ANKRD13C: variants seen among roughly 807,000 people sequenced by gnomAD.
ANKRD13C encodes ankyrin repeat domain-containing protein 13C.
Under a neutral mutation model 65.5 loss-of-function variants are expected in ANKRD13C, and 16 were observed. The ratio of observed to expected loss-of-function variants is 0.24; its 90% CI spans 0.17 to 0.37. The LOEUF (loss-of-function observed/expected upper bound fraction) is 0.37, where lower values mean the gene tolerates loss of function less well. Ranked by LOEUF, ANKRD13C falls within the 10% of genes least tolerant of loss-of-function variation. ANKRD13C has a pLI of 1.00. For missense variants in ANKRD13C, 503 were observed against 655.9 expected, an observed-to-expected ratio of 0.77 and a Z score of 2.55; for synonymous variants, 235 against 238.7, an observed-to-expected ratio of 0.98 and a Z score of 0.14.
intron 2 of ANKRD13C, among the ~76,000 whole-genome samples, chr1:70,334,783 A>G (rs1051161457): frequency 1.3e-5 from 2 of 151,864 alleles, no homozygotes; most frequent in African/African-American, 2.4e-5. Context: ...AATTAGCCCT[A>G]TAATCCCAGC....
chr1:70,323,575 G>A (rs1018948249), intron 3 of ANKRD13C, among the ~76,000 whole-genome samples: 9 of 151,774 alleles, frequency 5.9e-5, no homozygotes, highest in African/African-American at 1.7e-4. Flanking sequence ...TGCAGGAGGC[G>A]GAGGTTGCAG....
rs1262923585 is a variant in ANKRD13C, at chr1:70,259,459, G to A, written c.*3258C>T. On this transcript the variant is annotated 3_prime_UTR_variant, in exon 13 of 13. Transcript: ENST00000370944. The stretch of plus-strand genomic sequence containing the variant: ...AAGTATTACTCTTCTAAAATGAACT[G>A]TAACAATTAAAAAGCTCATCACAAG... Among the ~76,000 whole-genome samples the A allele has an allele frequency of 1.3e-5, 2 of 152,160 alleles. No individual in the cohort carries two copies. Among genetic ancestry groups the A allele is most frequent in the African/African-American group, 4.8e-5 (2 of 41,452 alleles).
At chr1:70,307,526 ATG>A (rs1680638176) in intron 5 of ANKRD13C, among the ~76,000 whole-genome samples, 1 of 152,216 alleles carries the variant, frequency 6.6e-6, no homozygotes. Context: ...TTAATGCAAA[ATG>A]ACTTCCAGCA....
intron 3 of ANKRD13C, among the ~76,000 whole-genome samples, chr1:70,318,274 A>C (rs1681154340): frequency 6.6e-6 from 1 of 152,230 alleles, no homozygotes; most frequent in African/African-American, 2.4e-5. Context: ...TGATAAAAGA[A>C]TTCATACAAA....
chr1:70,262,941 TG>T, intron 12 of ANKRD13C, 94 bp from the exon 13 acceptor site: 104 of 551,600 alleles, frequency 1.9e-4, no homozygotes, highest in Middle Eastern at 5.0e-4. Context: ...CTCCTTAAAA[TG>T]TAAAAAAAAA....
intron 1 of ANKRD13C, among the ~76,000 whole-genome samples, chr1:70,342,471 G>A (rs974188335): frequency 6.6e-6 from 1 of 152,186 alleles, no homozygotes; most frequent in African/African-American, 2.4e-5. Flanking sequence ...CCGGGAGGCA[G>A]AAGTTGCAGT....
intron 3 of ANKRD13C, among the ~76,000 whole-genome samples, chr1:70,320,104 G>A (rs895505798): frequency 6.6e-6 from 1 of 152,082 alleles, no homozygotes; most frequent in Non-Finnish European, 1.5e-5. Context: ...ATAAGTATGA[G>A]GAGTATGAGA....
intron 12 of ANKRD13C, among the ~76,000 whole-genome samples, chr1:70,268,437 C>T (rs987811614): frequency 2.6e-5 from 4 of 152,194 alleles, no homozygotes; most frequent in African/African-American, 9.7e-5. Context: ...GCTGGGATTA[C>T]AGGCGTCAGC....
chr1:70,332,501 C>T (rs2101576538), intron 2 of ANKRD13C, among the ~76,000 whole-genome samples: 1 of 152,274 alleles, frequency 6.6e-6, no homozygotes, highest in East Asian at 1.9e-4. Context: ...GAGTCTCGCT[C>T]TGTTATCCAG....
At chr1:70,313,896 A>G in intron 4 of ANKRD13C, 106 bp from the exon 5 acceptor site, 2 of 715,104 alleles carry the variant, frequency 2.8e-6, no homozygotes, top group Admixed American at 2.3e-5. Context: ...GCATTACTAT[A>G]CTTAATTACA....
At chr1:70,332,133 C>A (rs1048733434) in intron 2 of ANKRD13C, among the ~76,000 whole-genome samples, 7 of 152,132 alleles carry the variant, frequency 4.6e-5, no homozygotes, top group East Asian at 3.9e-4. Context: ...ATCATCTAAC[C>A]AAGTGTTTCC....
Position 70,259,398 on chromosome 1 carries a change from T to G in ANKRD13C, c.*3319A>C, listed in dbSNP as rs1272536402. 2.6e-5 allele frequency among the ~76,000 whole-genome samples: 4 copies of G among 152,224 alleles called. No homozygotes were observed. The highest frequency in any genetic ancestry group is 4.4e-5 in the Non-Finnish European group (3 of 68,032). ...TTTCAGTGTGTGGAAAAAGCAAAAT[T>G]GTAATTCTATGTACCATAGGTACCA... is the stretch of plus-strand genomic sequence containing the variant. On this transcript the variant is annotated 3_prime_UTR_variant, in exon 13 of 13. Coordinates refer to ENST00000370944, the MANE Select transcript of ANKRD13C (RefSeq NM_030816.5).
chr1:70,284,298 A>T lies in ANKRD13C; in HGVS notation c.1216-7454T>A, dbSNP rs1200880551. Among the ~76,000 whole-genome samples the T allele has an allele frequency of 2.0e-5, 3 of 152,136 alleles. No individual in the cohort carries two copies. The East Asian group carries it at 5.8e-4, about 29-fold the overall frequency. On this transcript the variant is annotated intron_variant, in intron 9 of 12. Coordinates refer to ENST00000370944, the MANE Select transcript of ANKRD13C (RefSeq NM_030816.5). ...ATTTTTAAGAATGGAAATTCTATTAAAACATGGCTTTAAAATATATAATTT... is the reference window on the plus strand; with the variant it reads ...ATTTTTAAGAATGGAAATTCTATTATAACATGGCTTTAAAATATATAATTT...
Position 70,262,480 on chromosome 1 carries a change from G to A in ANKRD13C, c.*237C>T, listed in dbSNP as rs1678426954. ...ATACGCAGGTCTTAGGGTCATTAAT[G>A]TGTCAAACTATTACATTTATAATAT... On this transcript the variant is annotated 3_prime_UTR_variant, in exon 13 of 13. Transcript: ENST00000370944. The A allele has an allele frequency of 3.6e-6, 1 of 279,360 alleles. No individual in the cohort carries two copies. The highest frequency in any genetic ancestry group is 2.2e-5 in the African/African-American group (1 of 46,456). 17.3% of individuals were successfully genotyped at this position (279,360 alleles called of 1,614,324 possible).
intron 9 of ANKRD13C, among the ~76,000 whole-genome samples, chr1:70,277,090 G>T (rs1490595150): frequency 1.3e-5 from 2 of 151,968 alleles, no homozygotes; most frequent in Non-Finnish European, 2.9e-5. Context: ...CACCCATTCA[G>T]TCAATGCTTC....
At chr1:70,335,650 G>A (rs1275829820) in intron 2 of ANKRD13C, among the ~76,000 whole-genome samples, 1 of 150,280 alleles carries the variant, frequency 6.7e-6, no homozygotes, top group Non-Finnish European at 1.5e-5. Context: ...CAAGTATTAA[G>A]TTTTTGCAAT....
At chr1:70,341,136 C>T (rs1237618226) in intron 1 of ANKRD13C, among the ~76,000 whole-genome samples, 1 of 152,044 alleles carries the variant, frequency 6.6e-6, no homozygotes, top group Non-Finnish European at 1.5e-5. Flanking sequence ...GATATTAACA[C>T]CATTATACCA....
chr1:70,288,389 T>C (rs1679713964), intron 9 of ANKRD13C, among the ~76,000 whole-genome samples: 1 of 152,202 alleles, frequency 6.6e-6, no homozygotes, highest in Non-Finnish European at 1.5e-5. Context: ...CTCTTGGGCA[T>C]TTATCCCAGA....
rs80309205 is a variant in ANKRD13C, at chr1:70,352,815, G to A, written c.430+1164C>T. On this transcript the variant is annotated intron_variant, in intron 1 of 12. Transcript: ENST00000370944. ...TGCAACTTTAACATACTTTTTTGGG[G>A]ATTTATGATAAATGATAGGTGGTGA... 6.2e-3 allele frequency among the ~76,000 whole-genome samples: 943 copies of A among 152,258 alleles called. 55 individuals carry two copies. The East Asian group carries it at 0.14, about 23-fold the overall frequency.
Sources: allele counts gnomAD v4.1 joint callset (sites outside exome capture counted in the v4.1 genomes callset), GRCh38; gene constraint gnomAD v4.1.1; transcripts MANE v1.5; gene names NCBI Gene and HGNC (gene_info 2026-07-23, HGNC 2026-07-21).